Variants in CA8 observed in about 807,000 individuals in gnomAD.
CA8 encodes the protein carbonic anhydrase 8 (inactive).
CA8 carries 22 observed loss-of-function variants against 41.4 expected under a neutral mutation model. The ratio of observed to expected loss-of-function variants is 0.53; its 90% CI spans 0.38 to 0.76. The LOEUF is 0.76. Ranked by LOEUF, CA8 falls within the 30% of genes least tolerant of loss-of-function variation. The pLI is 0.00. For missense variants in CA8, 270 were observed against 352.8 expected (o/e 0.77, Z 1.88); for synonymous variants, 121 against 130.6 (o/e 0.93, Z 0.50).
intron 3 of CA8, among the ~76,000 whole-genome samples, chr8:60,240,319 G>A (rs1257396232): frequency 1.3e-5 from 2 of 152,162 alleles, no homozygotes; most frequent in African/African-American, 4.8e-5. Context: ...AGGCACACAG[G>A]GAGAACACAG....
Position 60,266,217 on chromosome 8 carries a change from T to C in CA8, c.293-168A>G, listed in dbSNP as rs1003245119. 2.6e-5 allele frequency among the ~76,000 whole-genome samples: 4 copies of C among 152,200 alleles called. No individual in the cohort carries two copies. In the East Asian group the frequency reaches 7.7e-4, roughly 29 times the overall value. ...ACAACTGTGAGGTGAATTTAAACTATCTAGGCTTGGCTGAAATTCTTGTAT... is the reference window on the plus strand; with the variant it reads ...ACAACTGTGAGGTGAATTTAAACTACCTAGGCTTGGCTGAAATTCTTGTAT... On this transcript the variant is annotated intron_variant, in intron 2 of 8. Transcript: ENST00000317995.
intron 8 of CA8, among the ~76,000 whole-genome samples, chr8:60,203,266 TA>T (rs1279884127): frequency 6.6e-6 from 1 of 151,634 alleles, no homozygotes; most frequent in Non-Finnish European, 1.5e-5. Context: ...AGATTGGAGA[TA>T]AAAAAAAGAA....
At chr8:60,230,495 C>T (rs751877262) in intron 4 of CA8, among the ~76,000 whole-genome samples, 2 of 152,136 alleles carry the variant, frequency 1.3e-5, no homozygotes, top group Non-Finnish European at 2.9e-5. Flanking sequence ...GGAAAGTCTA[C>T]TCAATGTCTC....
At chr8:60,260,559 A>C (rs1268610772) in intron 3 of CA8, among the ~76,000 whole-genome samples, 1 of 152,222 alleles carries the variant, frequency 6.6e-6, no homozygotes, top group Non-Finnish European at 1.5e-5. Context: ...ATAGAGGATA[A>C]TCCTTAAATG....
intron 7 of CA8, among the ~76,000 whole-genome samples, chr8:60,217,916 G>A (rs1046460962): frequency 3.3e-5 from 5 of 152,120 alleles, no homozygotes; most frequent in African/African-American, 1.2e-4. Context: ...CATGTTTCTT[G>A]AATTCAAATT....
chr8:60,199,537 T>G (rs1473845531), intron 8 of CA8, among the ~76,000 whole-genome samples: 4 of 152,058 alleles, frequency 2.6e-5, no homozygotes, highest in African/African-American at 9.6e-5. Context: ...TCTGAAGGGG[T>G]TTTAAGAAGC....
intron 8 of CA8, among the ~76,000 whole-genome samples, chr8:60,206,046 T>C (rs1806565550): frequency 6.6e-6 from 1 of 152,204 alleles, no homozygotes; most frequent in Non-Finnish European, 1.5e-5. Flanking sequence ...ATAATTTTTA[T>C]ATAGAACTCT....
intron 8 of CA8, 167 bp downstream of exon 8, chr8:60,208,583 C>T: frequency 1.6e-6 from 1 of 629,738 alleles, no homozygotes; most frequent in Non-Finnish European, 2.8e-6. Flanking sequence ...AATTAAAATA[C>T]CTACTTGACC....
intron 3 of CA8, among the ~76,000 whole-genome samples, chr8:60,252,302 C>T (rs976668079): frequency 6.6e-6 from 1 of 152,124 alleles, no homozygotes; most frequent in Non-Finnish European, 1.5e-5. Context: ...CAAAAAGACA[C>T]CCCCAAAAGG....
At chr8:60,201,633 C>T (rs998042902) in intron 8 of CA8, among the ~76,000 whole-genome samples, 5 of 152,158 alleles carry the variant, frequency 3.3e-5, no homozygotes, top group African/African-American at 1.2e-4. Context: ...TGTTGCATCA[C>T]TATATAACAA....
At chr8:60,279,102 C>T (rs1027834488) in intron 2 of CA8, among the ~76,000 whole-genome samples, 1 of 146,880 alleles carries the variant, frequency 6.8e-6, no homozygotes, top group African/African-American at 2.6e-5. Context: ...GGAGAAGTTT[C>T]ATGGGATGGA....
rs10101374 is a variant in CA8, at chr8:60,281,201, T to G, written c.-54A>C. On this transcript the variant is annotated 5_prime_UTR_variant, in exon 1 of 9. Coordinates refer to ENST00000317995, the MANE Select transcript of CA8 (RefSeq NM_004056.6). The stretch of plus-strand genomic sequence containing the variant: ...TCGGCAGCAGTGCCTGCGCCTTCGC[T>G]GGGCGCGGGGCTGGAGCCGGAGCGG... 0.55 allele frequency: 718,791 copies of G among 1,317,110 alleles called. 199,667 individuals are homozygous for G. The highest frequency in any genetic ancestry group is 0.8 in the African/African-American group (54,700 of 68,536). The allele number at this position is 1,317,110 out of a possible 1,614,324, so 81.6% of individuals were successfully genotyped here. A position where few individuals can be genotyped will look rare whatever the true frequency, so the allele number is the denominator to read the frequency against.
intron 3 of CA8, among the ~76,000 whole-genome samples, chr8:60,256,517 A>G (rs1449082917): frequency 6.6e-6 from 1 of 152,240 alleles, no homozygotes; most frequent in Non-Finnish European, 1.5e-5. Context: ...ATTCAAGCAC[A>G]GCAAAGCAGT....
intron 3 of CA8, among the ~76,000 whole-genome samples, chr8:60,241,864 T>C (rs1808040227): frequency 6.6e-6 from 1 of 152,232 alleles, no homozygotes; most frequent in African/African-American, 2.4e-5. Context: ...CGGGTCTTGT[T>C]ATAGAATGTA....
chr8:60,234,425 G>C (rs1807760951), intron 3 of CA8, among the ~76,000 whole-genome samples: 1 of 152,172 alleles, frequency 6.6e-6, no homozygotes, highest in Non-Finnish European at 1.5e-5. Context: ...ATCAGTATTG[G>C]TCCATTAATT....
intron 8 of CA8, among the ~76,000 whole-genome samples, chr8:60,194,646 A>G (rs1806227246): frequency 6.6e-6 from 1 of 152,142 alleles, no homozygotes. Flanking sequence ...CTTTCAACCA[A>G]TACAGATGTC....
chr8:60,203,722 G>A (rs892631052), intron 8 of CA8, among the ~76,000 whole-genome samples: 1 of 152,018 alleles, frequency 6.6e-6, no homozygotes, highest in African/African-American at 2.4e-5. Context: ...GATTTCCAAT[G>A]ATTTCTGCAC....
Position 60,185,994 on chromosome 8 carries a change from T to C in CA8, c.*4027A>G, listed in dbSNP as rs895728850. Among the ~76,000 whole-genome samples the C allele has an allele frequency of 1.3e-5, 2 of 152,054 alleles. No individual in the cohort carries two copies. Among genetic ancestry groups the C allele is most frequent in the Non-Finnish European group, 2.9e-5 (2 of 67,950 alleles). ...CCAGAACATATACAAATGTGACATA[T>C]TTGACAATGACAACACAAAGGAGGT... On this transcript the variant is annotated 3_prime_UTR_variant, in exon 9 of 9. Coordinates refer to ENST00000317995, the MANE Select transcript of CA8 (RefSeq NM_004056.6).
At chr8:60,215,358 TACACACAC>T (rs144232916) in intron 7 of CA8, among the ~76,000 whole-genome samples, 3 of 144,102 alleles carry the variant, frequency 2.1e-5, no homozygotes, top group Non-Finnish European at 3.0e-5. Context: ...TGTGTGTGTA[TACACACAC>T]ACACACACAC....
Sources: allele counts gnomAD v4.1 joint callset (sites outside exome capture counted in the v4.1 genomes callset), GRCh38; gene constraint gnomAD v4.1.1; transcripts MANE v1.5; gene names NCBI Gene and HGNC (gene_info 2026-07-23, HGNC 2026-07-21).